The following CNIH2 variants were observed in gnomAD, a reference collection of about 807,000 sequenced individuals.
CNIH2 encodes protein cornichon homolog 2.
A neutral mutation model predicts 22.9 loss-of-function variants in CNIH2; 8 were observed. The ratio of observed to expected loss-of-function variants is 0.35; its 90% CI spans 0.20 to 0.63. CNIH2 has a LOEUF of 0.63. Ranked by LOEUF, CNIH2 falls within the 30% of genes least tolerant of loss-of-function variation. The pLI, the probability that CNIH2 is intolerant of heterozygous loss-of-function variation, is 0.72. For synonymous variants in CNIH2, 74 were observed against 78.2 expected, an observed-to-expected ratio of 0.95 and a Z score of 0.28; for missense variants, 105 against 206.2, an observed-to-expected ratio of 0.51 and a Z score of 3.01.
intron 1 of CNIH2, among the ~76,000 whole-genome samples, chr11:66,278,920 C>A (rs1286468816): frequency 1.9e-4 from 19 of 97,620 alleles, no homozygotes; most frequent in South Asian, 9.7e-4. Context: ...CTGCTGCCCC[C>A]CCCCCCCCGC....
At position 66,283,402 on chromosome 11, in the gene CNIH2, G is replaced by A. The variant is rs769280970; in HGVS notation, c.455+11G>A. 2.2e-5 allele frequency: 35 copies of A among 1,613,910 alleles called. No individual in the cohort carries two copies. The highest frequency in any genetic ancestry group is 2.9e-5 in the Non-Finnish European group (34 of 1,179,938). ...CTATTACCTGTACAGGTGAGGCCTT[G>A]CCCACAGCAGTCAGAACTCAGGGAA... On this transcript the variant is annotated intron_variant, in intron 5 of 5. Coordinates refer to ENST00000311445, the MANE Select transcript of CNIH2 (RefSeq NM_182553.3).
chr11:66,282,561 G>T, intron 2 of CNIH2, 172 bp from the exon 3 acceptor site: 1 of 860,100 alleles, frequency 1.2e-6, no homozygotes, highest in Non-Finnish European at 1.8e-6. Context: ...GCGGGTGAAG[G>T]CCCTTCCATG....
At chr11:66,282,429 G>GGGGCC in intron 2 of CNIH2, 102 bp downstream of exon 2, 2 of 479,440 alleles carry the variant, frequency 4.2e-6, no homozygotes, top group Non-Finnish European at 8.4e-6. Flanking sequence ...GGGGTGGGGG[G>GGGGCC]CCTACGGCCA....
chr11:66,282,608 G>C lies in CNIH2; in HGVS notation c.151-125G>C, dbSNP rs891514660. 8.5e-6 allele frequency: 10 copies of C among 1,181,352 alleles called. No individual in the cohort carries two copies. In the South Asian group the frequency reaches 1.3e-4, roughly 15 times the overall value. 73.2% of individuals were successfully genotyped at this position (1,181,352 alleles called of 1,614,324 possible). Reference sequence around the variant, plus strand: ...CATGGGGACGGCGCGGCTGCTTCCCGGCCGTGCCGACAGTGCCGCAGAGAT... The same window carrying C: ...CATGGGGACGGCGCGGCTGCTTCCCCGCCGTGCCGACAGTGCCGCAGAGAT... On this transcript the variant is annotated intron_variant, in intron 2 of 5. Transcript: ENST00000311445.
At chr11:66,280,123 A>G (rs1244106299) in intron 1 of CNIH2, among the ~76,000 whole-genome samples, 2 of 152,188 alleles carry the variant, frequency 1.3e-5, no homozygotes, top group Non-Finnish European at 2.9e-5. Context: ...GGGGATCCTC[A>G]GCAGTTTATC....
chr11:66,283,710 C>A lies in CNIH2; in HGVS notation c.*113C>A, dbSNP rs2134883271. On this transcript the variant is annotated 3_prime_UTR_variant, in exon 6 of 6. Coordinates refer to ENST00000311445, the MANE Select transcript of CNIH2 (RefSeq NM_182553.3). ...CTGGGGAGGGAGGGGGCACTGGTGC[C>A]CCCAGCCTCTCCAACCCCCAAACTG... 8.1e-7 allele frequency: 1 copy of A among 1,232,424 alleles called. No homozygotes were observed. The highest frequency in any genetic ancestry group is 1.1e-6 in the Non-Finnish European group (1 of 886,388). The allele number at this position is 1,232,424 out of a possible 1,614,324, so 76.3% of individuals were successfully genotyped here.
At chr11:66,282,554 G>A (rs1325817073) in intron 2 of CNIH2, 179 bp from the exon 3 acceptor site, 1 of 851,900 alleles carries the variant, frequency 1.2e-6, no homozygotes, top group African/African-American at 1.7e-5. Context: ...TGGAGACGCG[G>A]GTGAAGGCCC....
At chr11:66,278,672 GC>G in intron 1 of CNIH2, 135 bp downstream of exon 1, 1 of 517,570 alleles carries the variant, frequency 1.9e-6, no homozygotes, top group Non-Finnish European at 2.8e-6. Flanking sequence ...TGTCGGCTTC[GC>G]CCCCATTAAC....
rs1857280878 is a variant in CNIH2 at position 66,282,719 on chromosome 11, C to T, written c.151-14C>T. The stretch of plus-strand genomic sequence containing the variant: ...CTCCGCCACCCCATCGCGGCCTTTT[C>T]CTTCCCCCAACAGCGCGAGCGTTTA... On this transcript the variant is annotated splice_polypyrimidine_tract_variant and intron_variant, in intron 2 of 5. Coordinates refer to ENST00000311445, the MANE Select transcript of CNIH2 (RefSeq NM_182553.3). 1 of 1,613,728 alleles carries T rather than the reference C, an allele frequency of 6.2e-7. No homozygotes were observed. The highest frequency in any genetic ancestry group is 8.5e-7 in the Non-Finnish European group (1 of 1,179,956).
chr11:66,280,653 G>A (rs1203077435), intron 1 of CNIH2, among the ~76,000 whole-genome samples: 2 of 152,158 alleles, frequency 1.3e-5, no homozygotes, highest in South Asian at 2.1e-4. Context: ...GGTGACGCCC[G>A]CCGCCTGCTG....
chr11:66,282,829 C>A (rs1857283942), intron 3 of CNIH2, 49 bp downstream of exon 3: 1 of 1,581,020 alleles, frequency 6.3e-7, no homozygotes, highest in Non-Finnish European at 8.6e-7. Flanking sequence ...GCGCTGCCCC[C>A]ACTGTCTGTG....
chr11:66,279,219 C>A (rs1460392512), intron 1 of CNIH2, among the ~76,000 whole-genome samples: 1 of 151,960 alleles, frequency 6.6e-6, no homozygotes, highest in African/African-American at 2.4e-5. Context: ...CTCACATACC[C>A]CTTGGTCTGT....
chr11:66,281,492 A>G (rs1857258041), intron 1 of CNIH2: 1 of 456,200 alleles, frequency 2.2e-6, no homozygotes. Context: ...TGAGACATGG[A>G]CCAATCCTAA....
intron 3 of CNIH2, 78 bp downstream of exon 3, chr11:66,282,858 C>A (rs1161871375): frequency 6.6e-7 from 1 of 1,525,752 alleles, no homozygotes; most frequent in Non-Finnish European, 9.0e-7. Context: ...CCAGGCCTTC[C>A]CCTGCTTTGG....
Position 66,283,999 on chromosome 11 carries a change from G to A in CNIH2, c.*402G>A, listed in dbSNP as rs528152863. The A allele has an allele frequency of 5.6e-4, 123 of 220,314 alleles. 1 individual carries two copies. The Middle Eastern group carries it at 7.1e-3, about 13-fold the overall frequency. The allele number at this position is 220,314 out of a possible 1,614,324, so 13.6% of individuals were successfully genotyped here. On this transcript the variant is annotated 3_prime_UTR_variant, in exon 6 of 6. Transcript: ENST00000311445. ...TCCCCCTGCAGGTGGGGGGGTACCC[G>A]CACCGGGAATGAGCAGGCTCAGCAG... is the stretch of plus-strand genomic sequence containing the variant.
intron 1 of CNIH2, among the ~76,000 whole-genome samples, chr11:66,279,366 C>G (rs1031114754): frequency 6.6e-6 from 1 of 152,086 alleles, no homozygotes; most frequent in Non-Finnish European, 1.5e-5. Context: ...TGCCTGGCTC[C>G]CGTCCCCTCA....
chr11:66,278,927 C>CA (rs1321200484), intron 1 of CNIH2, among the ~76,000 whole-genome samples: 19 of 111,084 alleles, frequency 1.7e-4, no homozygotes, highest in Non-Finnish European at 3.4e-4. Flanking sequence ...CCCCCCCCCC[C>CA]CGCCTTTGTG....
Position 66,278,545 on chromosome 11 carries a change from CG to C in CNIH2, c.81+11del. The C allele has an allele frequency of 1.5e-6, 1 of 647,026 alleles. No individual in the cohort carries two copies. The highest frequency in any genetic ancestry group is 2.3e-6 in the Non-Finnish European group (1 of 430,838). 40.1% of individuals were successfully genotyped at this position (647,026 alleles called of 1,614,324 possible). On this transcript the variant is annotated intron_variant, in intron 1 of 5. Coordinates refer to ENST00000311445, the MANE Select transcript of CNIH2 (RefSeq NM_182553.3). ...TTCTTTGTCATCTGGCACGTAAGGC[CG>C]GGCTGGGGCTGGGGCTGGGGGCGGG...
chr11:66,281,830 C>G (rs993804436), intron 1 of CNIH2, among the ~76,000 whole-genome samples: 2 of 151,996 alleles, frequency 1.3e-5, no homozygotes, highest in Non-Finnish European at 2.9e-5. Flanking sequence ...CCTCACCCCC[C>G]ACACAGGGTT....
Sources: allele counts gnomAD v4.1 joint callset (sites outside exome capture counted in the v4.1 genomes callset), GRCh38; gene constraint gnomAD v4.1.1; transcripts MANE v1.5; gene names NCBI Gene and HGNC (gene_info 2026-07-23, HGNC 2026-07-21).